SGCZ: variants seen among roughly 807,000 people sequenced by gnomAD.
SGCZ encodes zeta-sarcoglycan.
A neutral mutation model predicts 41.3 loss-of-function variants in SGCZ; 40 were observed. That is an observed-to-expected ratio of 0.97 (90% CI 0.75 to 1.26). The LOEUF is 1.26. SGCZ is among the 50% of genes most tolerant of loss of function. SGCZ has a pLI of 0.00. For synonymous variants in SGCZ, 206 were observed against 137.5 expected (o/e 1.50, Z -3.49); for missense variants, 552 against 369.8 (o/e 1.49, Z -4.04).
At chr8:14,324,228 A>G (rs370108613) in intron 2 of SGCZ, 24 bp from the exon 3 acceptor site, 1 of 1,542,598 alleles carries the variant, frequency 6.5e-7, no homozygotes, top group African/African-American at 1.4e-5. Flanking sequence ...AATATAGTTC[A>G]CTTTTAGGTT....
At chr8:14,649,303 A>G (rs1807322663) in intron 1 of SGCZ, among the ~76,000 whole-genome samples, 1 of 152,110 alleles carries the variant, frequency 6.6e-6, no homozygotes. Context: ...TTGAGCAACT[A>G]AGTATATCCA....
intron 1 of SGCZ, among the ~76,000 whole-genome samples, chr8:14,901,700 T>G (rs1798977700): frequency 6.6e-6 from 1 of 152,184 alleles, no homozygotes; most frequent in African/African-American, 2.4e-5. Flanking sequence ...TTACATATAT[T>G]TTCGGTAAAA....
chr8:14,527,654 T>G (rs562505745), intron 2 of SGCZ, among the ~76,000 whole-genome samples: 19 of 152,224 alleles, frequency 1.2e-4, no homozygotes, highest in African/African-American at 4.1e-4. Context: ...AAGCTTAAAT[T>G]TTAATTAAAA....
chr8:14,200,049 T>C (rs1004807357), intron 4 of SGCZ, among the ~76,000 whole-genome samples: 1 of 152,160 alleles, frequency 6.6e-6, no homozygotes, highest in Non-Finnish European at 1.5e-5. Flanking sequence ...TTGATAGCAA[T>C]TGGGTCCGGT....
chr8:14,687,639 G>A (rs553619236), intron 1 of SGCZ, among the ~76,000 whole-genome samples: 2 of 151,764 alleles, frequency 1.3e-5, no homozygotes, highest in Admixed American at 1.3e-4. Context: ...ATTGTGAATA[G>A]TGCTGCAATA....
At chr8:14,388,406 A>G (rs565989106) in intron 2 of SGCZ, among the ~76,000 whole-genome samples, 2 of 152,198 alleles carry the variant, frequency 1.3e-5, no homozygotes, top group East Asian at 3.9e-4. Flanking sequence ...GAATGAAAAA[A>G]AGAGAGAGAG....
intron 2 of SGCZ, among the ~76,000 whole-genome samples, chr8:14,543,099 T>C (rs991422952): frequency 6.6e-6 from 1 of 151,950 alleles, no homozygotes; most frequent in African/African-American, 2.4e-5. Context: ...TTTAGGAACA[T>C]TGGCACCATT....
chr8:14,822,451 T>C (rs927038158), intron 1 of SGCZ, among the ~76,000 whole-genome samples: 1 of 152,118 alleles, frequency 6.6e-6, no homozygotes, highest in African/African-American at 2.4e-5. Flanking sequence ...CCTATCAAAA[T>C]ACAACTGACA....
chr8:14,668,829 A>T (rs528225537), intron 1 of SGCZ, among the ~76,000 whole-genome samples: 1 of 152,274 alleles, frequency 6.6e-6, no homozygotes, highest in Non-Finnish European at 1.5e-5. Flanking sequence ...TATTTAAGGT[A>T]TGCAGGTTGA....
intron 1 of SGCZ, among the ~76,000 whole-genome samples, chr8:14,702,860 GATA>G (rs1809202249): frequency 7.2e-6 from 1 of 139,348 alleles, no homozygotes; most frequent in Non-Finnish European, 1.6e-5. Context: ...TAGATAGATA[GATA>G]GATAGATAGA....
chr8:14,973,915 G>T (rs13276196), intron 1 of SGCZ, among the ~76,000 whole-genome samples: 10,839 of 152,140 alleles, frequency 0.071, 548 homozygotes, highest in Admixed American at 0.11. Context: ...CATGACATAA[G>T]AGACTAGGCT....
chr8:14,632,859 T>C (rs1806704916), intron 1 of SGCZ, among the ~76,000 whole-genome samples: 1 of 151,972 alleles, frequency 6.6e-6, no homozygotes, highest in Non-Finnish European at 1.5e-5. Flanking sequence ...AATGAATGGA[T>C]AAAGGTAAAT....
chr8:14,210,402 C>A, intron 4 of SGCZ, among the ~76,000 whole-genome samples: 1 of 151,808 alleles, frequency 6.6e-6, no homozygotes, highest in East Asian at 1.9e-4. Context: ...TTTTCCCAAA[C>A]CCTTGGAATT....
chr8:15,207,431 G>C (rs1158789671), intron 1 of SGCZ, among the ~76,000 whole-genome samples: 2 of 152,156 alleles, frequency 1.3e-5, no homozygotes, highest in Non-Finnish European at 2.9e-5. Context: ...AGGATCTGGT[G>C]AAAGAGACAA....
At chr8:14,461,966 C>T (rs1800913481) in intron 2 of SGCZ, among the ~76,000 whole-genome samples, 1 of 151,910 alleles carries the variant, frequency 6.6e-6, no homozygotes, top group Non-Finnish European at 1.5e-5. Context: ...CGTTTTAATA[C>T]TTAGTAGGCA....
At chr8:14,229,914 G>A (rs1806501714) in intron 4 of SGCZ, among the ~76,000 whole-genome samples, 1 of 151,952 alleles carries the variant, frequency 6.6e-6, no homozygotes, top group Non-Finnish European at 1.5e-5. Context: ...TAAGCCGATT[G>A]GACTTAAACT....
intron 1 of SGCZ, among the ~76,000 whole-genome samples, chr8:14,937,883 C>T (rs1156449374): frequency 6.6e-6 from 1 of 151,846 alleles, no homozygotes; most frequent in Non-Finnish European, 1.5e-5. Flanking sequence ...TTTAAAAATT[C>T]ATGATGAATG....
intron 1 of SGCZ, chr8:14,853,511 C>T (rs1399271501): frequency 1.9e-6 from 1 of 531,936 alleles, no homozygotes; most frequent in African/African-American, 1.9e-5. Flanking sequence ...ATCTGAGGAG[C>T]AGGTGACGGG....
chr8:14,309,723 G>C (rs1801465292), intron 3 of SGCZ: 6 of 1,605,950 alleles, frequency 3.7e-6, no homozygotes, highest in African/African-American at 1.3e-5. Context: ...AAGCAATCGA[G>C]ATTTGGGAGC....
Sources: allele counts gnomAD v4.1 joint callset (sites outside exome capture counted in the v4.1 genomes callset), GRCh38; gene constraint gnomAD v4.1.1; transcripts MANE v1.5; gene names NCBI Gene and HGNC (gene_info 2026-07-23, HGNC 2026-07-21).